Variants in GALNT10 observed in about 807,000 individuals in gnomAD.
GALNT10 encodes polypeptide N-acetylgalactosaminyltransferase 10, also known as GalNAc transferase 10.
GALNT10 carries 41 observed loss-of-function variants against 75.0 expected under a neutral mutation model. The observed-to-expected ratio is 0.55, with a 90% CI of 0.43 to 0.71. The LOEUF is 0.71. Among genes scored for constraint, GALNT10 ranks in the 30% least tolerant of loss-of-function variants. The pLI is 0.00. For missense variants in GALNT10, 727 were observed against 818.5 expected (o/e 0.89, Z 1.36); for synonymous variants, 302 against 313.0 (o/e 0.96, Z 0.37).
At chr5:154,225,993 G>A (rs1046394936) in intron 1 of GALNT10, among the ~76,000 whole-genome samples, 9 of 151,912 alleles carry the variant, frequency 5.9e-5, no homozygotes, top group Admixed American at 2.6e-4. Context: ...TGGGGTAGGG[G>A]AAGGGGGGAG....
intron 1 of GALNT10, among the ~76,000 whole-genome samples, chr5:154,201,596 T>C (rs1307809643): frequency 6.6e-6 from 1 of 152,084 alleles, no homozygotes; most frequent in Non-Finnish European, 1.5e-5. Context: ...GTTGTTGTTG[T>C]TTTTAGCCAT....
intron 4 of GALNT10, among the ~76,000 whole-genome samples, chr5:154,345,947 ATTTTTTTTTT>A (rs70978537): frequency 7.6e-5 from 5 of 65,414 alleles, no homozygotes; most frequent in Non-Finnish European, 1.1e-4. Flanking sequence ...CACCCGCCTA[ATTTTTTTTTT>A]TTTTTTTTTT....
chr5:154,326,508 TTGA>T (rs1190328228), intron 3 of GALNT10, among the ~76,000 whole-genome samples: 1 of 152,204 alleles, frequency 6.6e-6, no homozygotes, highest in Non-Finnish European at 1.5e-5. Flanking sequence ...TATCCATTAA[TTGA>T]TGAATAGATA....
chr5:154,403,696 T>C (rs953321439), intron 7 of GALNT10: 3 of 282,898 alleles, frequency 1.1e-5, no homozygotes, highest in Non-Finnish European at 2.0e-5. Context: ...CAGCACTCCA[T>C]AGTGGATTAG....
At chr5:154,361,784 C>T (rs1176184761) in intron 4 of GALNT10, among the ~76,000 whole-genome samples, 2 of 152,158 alleles carry the variant, frequency 1.3e-5, no homozygotes, top group Admixed American at 6.5e-5. Flanking sequence ...AACATGAGCA[C>T]CTATTAATAT....
intron 6 of GALNT10, among the ~76,000 whole-genome samples, chr5:154,385,545 C>T (rs192341586): frequency 1.3e-5 from 2 of 152,260 alleles, no homozygotes; most frequent in East Asian, 3.9e-4. Flanking sequence ...TTTCAGATTC[C>T]TGTAATGCTG....
At chr5:154,350,639 T>C (rs1481373251) in intron 4 of GALNT10, among the ~76,000 whole-genome samples, 1 of 152,178 alleles carries the variant, frequency 6.6e-6, no homozygotes, top group Non-Finnish European at 1.5e-5. Context: ...CCTGATTTGT[T>C]GCATTTGCTG....
chr5:154,272,087 C>T (rs1266490363), intron 1 of GALNT10, among the ~76,000 whole-genome samples: 1 of 152,106 alleles, frequency 6.6e-6, no homozygotes, highest in African/African-American at 2.4e-5. Flanking sequence ...GGGAATGAGC[C>T]TCTTCTGTCC....
chr5:154,344,830 G>A (rs920386837), intron 4 of GALNT10, among the ~76,000 whole-genome samples: 2 of 152,178 alleles, frequency 1.3e-5, no homozygotes, highest in Non-Finnish European at 2.9e-5. Flanking sequence ...TTTTAGAGAT[G>A]AGAATATACA....
chr5:154,259,119 T>A (rs1300200997), intron 1 of GALNT10, among the ~76,000 whole-genome samples: 1 of 152,066 alleles, frequency 6.6e-6, no homozygotes, highest in Non-Finnish European at 1.5e-5. Flanking sequence ...ATGCCTTTTT[T>A]ATTTCTTTTT....
chr5:154,370,153 G>C (rs1219537415), intron 4 of GALNT10, among the ~76,000 whole-genome samples: 1 of 152,224 alleles, frequency 6.6e-6, no homozygotes, highest in Non-Finnish European at 1.5e-5. Flanking sequence ...TCTGGACCTT[G>C]TCTTGAAGTG....
intron 4 of GALNT10, among the ~76,000 whole-genome samples, chr5:154,353,353 C>A (rs1254286552): frequency 6.6e-6 from 1 of 152,168 alleles, no homozygotes; most frequent in Non-Finnish European, 1.5e-5. Flanking sequence ...ATTACCAACC[C>A]CTGGCTAAGC....
intron 3 of GALNT10, among the ~76,000 whole-genome samples, chr5:154,328,358 G>A (rs1754788947): frequency 6.6e-6 from 1 of 152,206 alleles, no homozygotes; most frequent in South Asian, 2.1e-4. Flanking sequence ...AGAGCCCAGG[G>A]AGAGAGAGGA....
chr5:154,323,793 A>G lies in GALNT10; in HGVS notation c.402-5779A>G, dbSNP rs547238452. Among the ~76,000 whole-genome samples, 8 of 152,314 alleles carry G rather than the reference A, an allele frequency of 5.3e-5. No individual in the cohort carries two copies. The South Asian group carries it at 1.4e-3, about 28-fold the overall frequency. The stretch of plus-strand genomic sequence containing the variant: ...TGAAATCCTGTCAGGTACTGAAACC[A>G]GGTATGGCAGGCAGAATGCTGCTAC... On this transcript the variant is annotated intron_variant, in intron 3 of 11. Coordinates refer to ENST00000297107, the MANE Select transcript of GALNT10 (RefSeq NM_198321.4).
Position 154,380,479 on chromosome 5 carries a change from G to A in GALNT10, c.786G>A (p.Val262=), listed in dbSNP as rs1388004663. The A allele has an allele frequency of 6.2e-7, 1 of 1,614,098 alleles. No homozygotes were observed. Among genetic ancestry groups the A allele is most frequent in the Non-Finnish European group, 8.5e-7 (1 of 1,179,980 alleles). ...DRIARNRKTI[V]CPMIDVIDHD... Reference sequence around the variant, plus strand: ...TTGCTCGGAACCGCAAGACCATTGTGTGCCCGATGATTGATGTAATTGACC... The same window carrying A: ...TTGCTCGGAACCGCAAGACCATTGTATGCCCGATGATTGATGTAATTGACC... The change falls in exon 6 of 12, where the codon GTG becomes GTA. Residue 262 remains valine, a synonymous_variant. Coordinates refer to ENST00000297107, the MANE Select transcript of GALNT10 (RefSeq NM_198321.4).
At chr5:154,275,002 G>A (rs761397439) in intron 1 of GALNT10, among the ~76,000 whole-genome samples, 1 of 152,152 alleles carries the variant, frequency 6.6e-6, no homozygotes, top group Non-Finnish European at 1.5e-5. Context: ...GGATTGGAAG[G>A]TTTCAGGAAT....
chr5:154,387,714 G>A (rs1201861902), intron 7 of GALNT10: 1 of 151,306 alleles, frequency 6.6e-6, no homozygotes, highest in African/African-American at 2.4e-5. Context: ...TGCTTATTAG[G>A]TGCTTCTTAA....
At chr5:154,301,727 A>G (rs1307199678) in intron 3 of GALNT10, among the ~76,000 whole-genome samples, 1 of 152,060 alleles carries the variant, frequency 6.6e-6, no homozygotes, top group African/African-American at 2.4e-5. Context: ...ATTTCAGTCT[A>G]ATTGGTTTTC....
chr5:154,329,492 T>C (rs1284827255), intron 3 of GALNT10, 80 bp from the exon 4 acceptor site: 5 of 1,162,110 alleles, frequency 4.3e-6, no homozygotes, highest in Non-Finnish European at 5.1e-6. Context: ...GGTTTGCAGT[T>C]AGCCAAACCC....
Sources: gnomAD v4.1 joint callset for allele counts (sites outside exome capture counted in the v4.1 genomes callset) on GRCh38, gnomAD v4.1.1 for gene constraint, MANE v1.5 for transcripts, NCBI Gene and HGNC (gene_info 2026-07-23, HGNC 2026-07-21) for gene names.